LCA5L: variants seen among roughly 807,000 people sequenced by gnomAD.
LCA5L encodes lebercilin LCA5 like.
A neutral mutation model predicts 45.4 loss-of-function variants in LCA5L; 35 were observed. That is an observed-to-expected ratio of 0.77 (90% confidence interval 0.59 to 1.02). The LOEUF (loss-of-function observed/expected upper bound fraction) is 1.02. LCA5L is among the 50% of genes least tolerant of loss of function. The probability of loss-of-function intolerance (pLI) is 0.00; values close to 1 mark genes in which losing one functional copy is unlikely to be tolerated. For synonymous variants in LCA5L, 233 were observed against 264.7 expected (o/e 0.88, Z 1.16); for missense variants, 668 against 761.6 (o/e 0.88, Z 1.45).
At chr21:39,431,587 G>A (rs547280234) in intron 3 of LCA5L, among the ~76,000 whole-genome samples, 23 of 151,962 alleles carry the variant, frequency 1.5e-4, no homozygotes, top group Non-Finnish European at 2.6e-4. Flanking sequence ...GCATGATCTC[G>A]GCTCACTGCA....
intron 8 of LCA5L, 82 bp downstream of exon 8, chr21:39,411,636 T>A (rs2040100539): frequency 1.5e-6 from 1 of 649,014 alleles, no homozygotes; most frequent in East Asian, 2.8e-5. Flanking sequence ...TTTGAAAATA[T>A]CCATTATTTT....
chr21:39,433,414 C>CAA (rs765560945), intron 3 of LCA5L, among the ~76,000 whole-genome samples: 756 of 61,382 alleles, frequency 0.012, 15 homozygotes, highest in African/African-American at 0.03. Flanking sequence ...AACTCTGTCT[C>CAA]AAAAAAAAAA....
chr21:39,444,162 T>C lies in LCA5L; in HGVS notation c.-273A>G, dbSNP rs919880909. Reference sequence around the variant, plus strand: ...TTCAAAATGATCAGCATACGGATGATCATTTGTCTGCATCTCAGTTTGCCT... The same window carrying C: ...TTCAAAATGATCAGCATACGGATGACCATTTGTCTGCATCTCAGTTTGCCT... On this transcript the variant is annotated 5_prime_UTR_variant, in exon 2 of 11. Transcript: ENST00000288350. 3.3e-5 allele frequency: 5 copies of C among 152,074 alleles called. No individual in the cohort carries two copies. The highest frequency in any genetic ancestry group is 1.2e-4 in the African/African-American group (5 of 41,358). 9.4% of individuals were successfully genotyped at this position (152,074 alleles called of 1,614,324 possible). A position where few individuals can be genotyped will look rare whatever the true frequency, so the allele number is the denominator to read the frequency against.
intron 8 of LCA5L, chr21:39,410,798 T>C: frequency 2.1e-6 from 1 of 469,720 alleles, no homozygotes; most frequent in Non-Finnish European, 4.4e-6. Flanking sequence ...GGAAATTATA[T>C]CATTTAAACA....
chr21:39,428,149 G>C, intron 5 of LCA5L, 23 bp downstream of exon 5: 1 of 1,433,222 alleles, frequency 7.0e-7, no homozygotes, highest in South Asian at 1.3e-5. Flanking sequence ...ATTTGGTCTT[G>C]CTTGGGAAAT....
intron 3 of LCA5L, among the ~76,000 whole-genome samples, chr21:39,432,255 ATGCTTCTTTT>A (rs1331871615): frequency 6.6e-6 from 1 of 152,186 alleles, no homozygotes; most frequent in African/African-American, 2.4e-5. Flanking sequence ...TAAACTCAGT[ATGCTTCTTTT>A]TGCTACAACA....
intron 2 of LCA5L, among the ~76,000 whole-genome samples, chr21:39,435,810 GT>G (rs1342038540): frequency 6.6e-6 from 1 of 152,024 alleles, no homozygotes; most frequent in Non-Finnish European, 1.5e-5. Context: ...TAATTTTTTT[GT>G]ATTTTTAGTA....
At chr21:39,407,971 A>G (rs2147103560) in intron 10 of LCA5L, 1 of 152,348 alleles carries the variant, frequency 6.6e-6, no homozygotes, top group Middle Eastern at 3.4e-3. Flanking sequence ...CTTACAACTA[A>G]GGTGAGGCCC....
chr21:39,407,124 G>C (rs2039201106), intron 10 of LCA5L, among the ~76,000 whole-genome samples: 1 of 152,188 alleles, frequency 6.6e-6, no homozygotes, highest in African/African-American at 2.4e-5. Flanking sequence ...CTACTCAGGA[G>C]GCTAAGGTGG....
intron 7 of LCA5L, among the ~76,000 whole-genome samples, chr21:39,419,441 C>G (rs1235930637): frequency 6.7e-6 from 1 of 148,468 alleles, no homozygotes; most frequent in Non-Finnish European, 1.5e-5. Flanking sequence ...GGGAAGATCA[C>G]TTTAGCCCAG....
chr21:39,436,237 A>G (rs2076275977), intron 2 of LCA5L: 1 of 152,244 alleles, frequency 6.6e-6, no homozygotes, highest in African/African-American at 2.4e-5. Context: ...ATTGTATTTT[A>G]GAAGCAGAGA....
intron 5 of LCA5L, among the ~76,000 whole-genome samples, chr21:39,426,471 T>TGGAA (rs1391191400): frequency 6.6e-6 from 1 of 152,212 alleles, no homozygotes; most frequent in Non-Finnish European, 1.5e-5. Flanking sequence ...TGTAAACCCT[T>TGGAA]GGAACCAGAC....
At chr21:39,436,833 C>G (rs555155238) in intron 2 of LCA5L, among the ~76,000 whole-genome samples, 1 of 152,294 alleles carries the variant, frequency 6.6e-6, no homozygotes, top group African/African-American at 2.4e-5. Context: ...AAAAAACTTA[C>G]TCAGCATGCA....
chr21:39,406,460 C>A lies in LCA5L; in HGVS notation c.1435G>T (p.Glu479Ter). 1 of 1,614,008 alleles carries A rather than the reference C, an allele frequency of 6.2e-7. No individual in the cohort carries two copies. The highest frequency in any genetic ancestry group is 8.5e-7 in the Non-Finnish European group (1 of 1,179,986). ...PPKIIEVIHPERESNQEDVLV... is the reference protein window; with the variant it reads ...PPKIIEVIHP The stretch of plus-strand genomic sequence containing the variant: ...ACATCTTCTTGATTGCTTTCTCTTT[C>A]AGGATGAATAACTTCAATTATTTTT... Residue 479 changes from glutamate to a stop codon, truncating the protein, a stop_gained, in exon 11 of 11, where the codon GAA becomes TAA. Transcript: ENST00000288350. LOFTEE classifies it low-confidence loss of function (END_TRUNC).
chr21:39,440,376 A>G (rs1229448379), intron 2 of LCA5L, among the ~76,000 whole-genome samples: 1 of 152,168 alleles, frequency 6.6e-6, no homozygotes, highest in Non-Finnish European at 1.5e-5. Context: ...AGCCTGAGCA[A>G]CACAGGGAGA....
chr21:39,417,846 A>G (rs1429253223), intron 7 of LCA5L, among the ~76,000 whole-genome samples: 1 of 152,034 alleles, frequency 6.6e-6, no homozygotes, highest in Non-Finnish European at 1.5e-5. Context: ...GCTCACTGCA[A>G]GCTCCGCCTC....
rs890067110 is a variant in LCA5L, at chr21:39,436,619, C to G, written c.-245-1046G>C. 3.3e-5 allele frequency among the ~76,000 whole-genome samples: 5 copies of G among 152,102 alleles called. 1 individual carries two copies. The highest frequency in any genetic ancestry group is 4.4e-5 in the Non-Finnish European group (3 of 68,028). ...GCCTCAGCTTTTCAAGTAGCTGGGA[C>G]TACAGGCATGTGTCACCATGCCCAA... is the stretch of plus-strand genomic sequence containing the variant. On this transcript the variant is annotated intron_variant, in intron 2 of 10. Coordinates refer to ENST00000288350, the MANE Select transcript of LCA5L (RefSeq NM_152505.4).
rs536624445 is a variant in LCA5L at position 39,419,007 on chromosome 21, G to C, written c.975+1699C>G. 2.0e-5 allele frequency among the ~76,000 whole-genome samples: 3 copies of C among 152,134 alleles called. No individual in the cohort carries two copies. The East Asian group carries it at 5.8e-4, about 29-fold the overall frequency. Reference sequence around the variant, plus strand: ...TATGTATTCTTTTTGAAGTTTCCTGGAACTCCACAGAAAAAAGGAACTCTT... The same window carrying C: ...TATGTATTCTTTTTGAAGTTTCCTGCAACTCCACAGAAAAAAGGAACTCTT... On this transcript the variant is annotated intron_variant, in intron 7 of 10. Transcript: ENST00000288350.
At chr21:39,440,120 TGA>T (rs2076682190) in intron 2 of LCA5L, among the ~76,000 whole-genome samples, 1 of 152,180 alleles carries the variant, frequency 6.6e-6, no homozygotes, top group African/African-American at 2.4e-5. Flanking sequence ...CTAACTCTGC[TGA>T]GAGGGCCTAG....
Sources: gnomAD v4.1 joint callset for allele counts (sites outside exome capture counted in the v4.1 genomes callset) on GRCh38, gnomAD v4.1.1 for gene constraint, MANE v1.5 for transcripts, NCBI Gene and HGNC (gene_info 2026-07-23, HGNC 2026-07-21) for gene names.